Variants in MDGA2 observed in about 807,000 individuals in gnomAD.
MDGA2 encodes MAM domain containing glycosylphosphatidylinositol anchor 2, also known as MAM domain-containing glycosylphosphatidylinositol anchor protein 2.
A neutral mutation model predicts 117.8 loss-of-function variants in MDGA2; 40 were observed. That is an observed-to-expected ratio of 0.34 (90% confidence interval 0.26 to 0.44). MDGA2 has a LOEUF of 0.44. Among genes scored for constraint, MDGA2 ranks in the 20% least tolerant of loss-of-function variants. The pLI, the probability that MDGA2 is intolerant of heterozygous loss-of-function variation, is 1.00. For missense variants in MDGA2, 1,123 were observed against 1,250.6 expected (o/e 0.90, Z 1.54); for synonymous variants, 452 against 439.0 (o/e 1.03, Z -0.37).
At chr14:47,443,332 A>T (rs926876754) in intron 1 of MDGA2, among the ~76,000 whole-genome samples, 2 of 152,098 alleles carry the variant, frequency 1.3e-5, no homozygotes, top group Admixed American at 6.6e-5. Flanking sequence ...ATGTGTTCCA[A>T]TTGGTGGCAA....
chr14:47,561,138 T>TTTG (rs1238459956), intron 1 of MDGA2, among the ~76,000 whole-genome samples: 3 of 89,680 alleles, frequency 3.3e-5, no homozygotes, highest in Admixed American at 1.3e-4. Context: ...TACCTCTATC[T>TTTG]TTGTTTTTTT....
intron 1 of MDGA2, among the ~76,000 whole-genome samples, chr14:47,402,151 G>A (rs774814235): frequency 4.6e-5 from 7 of 152,068 alleles, no homozygotes; most frequent in Non-Finnish European, 1.0e-4. Context: ...TGTGTAGGTA[G>A]TATTAGCACA....
chr14:46,898,670 C>T (rs1372544940), intron 10 of MDGA2, among the ~76,000 whole-genome samples: 1 of 151,962 alleles, frequency 6.6e-6, no homozygotes, highest in Non-Finnish European at 1.5e-5. Context: ...TGTGTGTTGG[C>T]TCCTTTAAAG....
At chr14:47,137,410 C>A (rs1180904116) in intron 4 of MDGA2, among the ~76,000 whole-genome samples, 1 of 152,022 alleles carries the variant, frequency 6.6e-6, no homozygotes, top group East Asian at 1.9e-4. Flanking sequence ...GCGGGCAGAC[C>A]CCTCATGAAT....
intron 1 of MDGA2, among the ~76,000 whole-genome samples, chr14:47,406,237 T>A (rs1892258215): frequency 6.6e-6 from 1 of 152,086 alleles, no homozygotes; most frequent in African/African-American, 2.4e-5. Flanking sequence ...TCCAGTTAAG[T>A]CAGAAATCTA....
chr14:47,196,911 T>C (rs1287662159), intron 3 of MDGA2, among the ~76,000 whole-genome samples: 4 of 152,204 alleles, frequency 2.6e-5, no homozygotes, highest in African/African-American at 9.7e-5. Context: ...AGGGAAAATA[T>C]GCAGTATTTG....
chr14:47,531,387 TA>T (rs1895097918), intron 1 of MDGA2, among the ~76,000 whole-genome samples: 1 of 152,156 alleles, frequency 6.6e-6, no homozygotes, highest in Non-Finnish European at 1.5e-5. Context: ...CACAATCACA[TA>T]AAATGTGTAT....
rs1459019836 is a variant in MDGA2 at position 47,035,230 on chromosome 14, AT to A, written c.1599del (p.Gln533HisfsTer4). Reference protein sequence around the residue: ...VTREGDTIELQCQVTGKPKPI... With the variant: ...VTREGDTIELXCQVTGKPKPI... ...GGTTTAGGTTTGCCAGTTACTTGAC[AT>A]TGCAGTTCTATTGTGTCTCCTTCTC... is the stretch of plus-strand genomic sequence containing the variant. On this transcript the variant is annotated frameshift_variant, in exon 8 of 17. Coordinates refer to ENST00000399232, the MANE Select transcript of MDGA2 (RefSeq NM_001113498.3). LOFTEE classifies it high-confidence loss of function. The A allele has an allele frequency of 6.2e-7, 1 of 1,614,132 alleles. No homozygotes were observed. Among genetic ancestry groups the A allele is most frequent in the South Asian group, 1.1e-5 (1 of 91,090 alleles).
At chr14:47,133,321 G>A (rs1204859431) in intron 4 of MDGA2, among the ~76,000 whole-genome samples, 1 of 151,812 alleles carries the variant, frequency 6.6e-6, no homozygotes, top group African/African-American at 2.4e-5. Context: ...GGCTTAGCTA[G>A]AAAGAACAGT....
intron 8 of MDGA2, among the ~76,000 whole-genome samples, chr14:46,990,646 T>C (rs1407323774): frequency 6.6e-6 from 1 of 152,062 alleles, no homozygotes; most frequent in African/African-American, 2.4e-5. Flanking sequence ...TTGAACATTG[T>C]GTGATTTATT....
chr14:47,260,043 A>G (rs1354219390), intron 2 of MDGA2, among the ~76,000 whole-genome samples: 1 of 152,100 alleles, frequency 6.6e-6, no homozygotes, highest in Non-Finnish European at 1.5e-5. Context: ...CTGCATCTCC[A>G]GAGATCAAGG....
chr14:47,186,789 G>A (rs905610839), intron 3 of MDGA2, among the ~76,000 whole-genome samples: 2 of 152,050 alleles, frequency 1.3e-5, no homozygotes, highest in African/African-American at 2.4e-5. Context: ...TAAATCAACA[G>A]ATGGAATCTA....
At chr14:47,641,157 A>T (rs1159789205) in intron 1 of MDGA2, among the ~76,000 whole-genome samples, 1 of 152,076 alleles carries the variant, frequency 6.6e-6, no homozygotes, top group Non-Finnish European at 1.5e-5. Context: ...ATTCAATGCA[A>T]ATTAAGTATG....
intron 1 of MDGA2, among the ~76,000 whole-genome samples, chr14:47,502,726 G>C (rs373327179): frequency 6.6e-6 from 1 of 152,168 alleles, no homozygotes; most frequent in East Asian, 1.9e-4. Context: ...TGTAGTTGAA[G>C]TGCAGTGGCG....
intron 1 of MDGA2, among the ~76,000 whole-genome samples, chr14:47,540,947 C>T (rs1895341032): frequency 6.6e-6 from 1 of 151,980 alleles, no homozygotes; most frequent in African/African-American, 2.4e-5. Context: ...TTTCTGGTTT[C>T]TTCACTATAT....
At chr14:47,072,190 C>G (rs184254281) in intron 6 of MDGA2, among the ~76,000 whole-genome samples, 1 of 149,620 alleles carries the variant, frequency 6.7e-6, no homozygotes, top group African/African-American at 2.5e-5. Context: ...AAGAGTCACA[C>G]GTTCTAAGAA....
intron 1 of MDGA2, among the ~76,000 whole-genome samples, chr14:47,436,240 A>AT (rs1176154280): frequency 5.9e-5 from 9 of 152,154 alleles, no homozygotes; most frequent in Admixed American, 3.3e-4. Flanking sequence ...GAAATTCAAG[A>AT]TTTTTTAAAT....
At chr14:47,177,568 C>T (rs1357231148) in intron 3 of MDGA2, among the ~76,000 whole-genome samples, 1 of 152,080 alleles carries the variant, frequency 6.6e-6, no homozygotes, top group Non-Finnish European at 1.5e-5. Context: ...TCAAACACCG[C>T]ATGTTCTCAC....
In MDGA2 at chr14:47,131,731, C is replaced by G. The variant is rs748966960; in HGVS notation, c.908G>C (p.Arg303Thr). The G allele has an allele frequency of 2.7e-5, 43 of 1,573,746 alleles. No homozygotes were observed. Among genetic ancestry groups the G allele is most frequent in the Non-Finnish European group, 3.6e-5 (41 of 1,151,048 alleles). ...TTCCATACCTGTTTTATTGGACAGTCTAAACGACACCATCTTATCAGGAAT... is the reference window on the plus strand; with the variant it reads ...TTCCATACCTGTTTTATTGGACAGTGTAAACGACACCATCTTATCAGGAAT... Reference protein sequence around the residue: ...CNIPDKMVSFRLSNKTASPSI... With the variant: ...CNIPDKMVSFTLSNKTASPSI... The change falls in exon 5 of 17, where the codon AGA (arginine) becomes ACA (threonine). Residue 303 changes from arginine to threonine, a missense_variant. Around this residue, in one of 2 missense-constraint regions of MDGA2, gnomAD observed 890 missense variants for 1,050.3 expected, o/e 0.85. Transcript: ENST00000399232.
Sources: allele counts gnomAD v4.1 joint callset (sites outside exome capture counted in the v4.1 genomes callset), GRCh38; gene constraint gnomAD v4.1.1; regional missense constraint gnomAD v4.1.1; transcripts MANE v1.5; gene names NCBI Gene and HGNC (gene_info 2026-07-23, HGNC 2026-07-21).